Variants in GRIN2A observed in about 807,000 individuals in gnomAD.
The protein encoded by GRIN2A is glutamate receptor ionotropic, NMDA 2A.
GRIN2A carries 22 observed loss-of-function variants against 113.4 expected under a neutral mutation model. The ratio of observed to expected loss-of-function variants is 0.19; its 90% CI spans 0.14 to 0.28. The LOEUF (loss-of-function observed/expected upper bound fraction) is 0.28, where lower values mean the gene tolerates loss of function less well. GRIN2A is among the 10% of genes least tolerant of loss of function. The pLI, the probability that GRIN2A is intolerant of heterozygous loss-of-function variation, is 1.00. For synonymous variants in GRIN2A, 827 were observed against 738.4 expected (o/e 1.12, Z -1.94); for missense variants, 1,502 against 1,887.0 (o/e 0.80, Z 3.78).
chr16:9,947,948 AC>A lies in GRIN2A; in HGVS notation c.415-9398del, dbSNP rs372879967. On this transcript the variant is annotated intron_variant, in intron 2 of 12. Coordinates refer to ENST00000330684, the MANE Select transcript of GRIN2A (RefSeq NM_001134407.3). ...GAAAGAATCAACCACAATGACAGCA[AC>A]AAAACCCAAAACACTACAACCCACA... 1.8e-3 allele frequency among the ~76,000 whole-genome samples: 273 copies of A among 152,326 alleles called. 3 individuals are homozygous for A. Among genetic ancestry groups the A allele is most frequent in the African/African-American group, 6.2e-3 (257 of 41,588 alleles).
At chr16:9,999,933 T>C (rs2046292369) in intron 2 of GRIN2A, among the ~76,000 whole-genome samples, 1 of 152,096 alleles carries the variant, frequency 6.6e-6, no homozygotes, top group Non-Finnish European at 1.5e-5. Flanking sequence ...AAAATCAAAG[T>C]ATGGACAAAG....
chr16:9,822,399 G>A lies in GRIN2A; in HGVS notation c.2033C>T (p.Pro678Leu), dbSNP rs1275934660. 6.2e-7 allele frequency: 1 copy of A among 1,611,982 alleles called. No individual in the cohort carries two copies. The highest frequency in any genetic ancestry group is 8.5e-7 in the Non-Finnish European group (1 of 1,178,282). ...KKFQRPHDYS[P>L]PFRFGTVPNG... ...AGGCACTGTCCCAAATCGAAAAGGT[G>A]GGGAATAGTCATGAGGTCTCTGAAA... is the stretch of plus-strand genomic sequence containing the variant. Residue 678 changes from proline (P) to leucine (L), a missense_variant, in exon 10 of 13, where the codon CCA (proline) becomes CTA (leucine). Physicochemically the swap from Pro to Leu is moderately conservative, Grantham distance 98. This residue lies in a region of GRIN2A where 101 missense variants were observed against 240.4 expected (regional missense o/e 0.42). Coordinates refer to ENST00000330684, the MANE Select transcript of GRIN2A (RefSeq NM_001134407.3).
intron 3 of GRIN2A, among the ~76,000 whole-genome samples, chr16:9,919,314 G>C (rs2044315014): frequency 1.3e-5 from 2 of 152,178 alleles, no homozygotes; most frequent in South Asian, 4.2e-4. Context: ...TCATCAGCCT[G>C]GTTTATTTCA....
chr16:9,872,864 T>C (rs1344839120), intron 4 of GRIN2A, among the ~76,000 whole-genome samples: 1 of 144,808 alleles, frequency 6.9e-6, no homozygotes, highest in Non-Finnish European at 1.5e-5. Context: ...ACCCTATCTC[T>C]ACAAAAACAA....
At chr16:10,097,374 C>T (rs566975878) in intron 2 of GRIN2A, among the ~76,000 whole-genome samples, 5 of 152,264 alleles carry the variant, frequency 3.3e-5, no homozygotes, top group Admixed American at 6.5e-5. Context: ...AATGAGGACC[C>T]GGGCTTCTTC....
chr16:9,956,274 C>T (rs181338193), intron 2 of GRIN2A, among the ~76,000 whole-genome samples: 193 of 152,222 alleles, frequency 1.3e-3, no homozygotes, highest in African/African-American at 4.4e-3. Flanking sequence ...AAATTTTAAA[C>T]CTCTACCTAT....
chr16:10,123,555 T>G (rs2048872259), intron 2 of GRIN2A, among the ~76,000 whole-genome samples: 1 of 152,174 alleles, frequency 6.6e-6, no homozygotes, highest in African/African-American at 2.4e-5. Context: ...TTACTTTATA[T>G]TCATAGAATT....
intron 3 of GRIN2A, among the ~76,000 whole-genome samples, chr16:9,898,038 A>G (rs142706480): frequency 6.9e-6 from 1 of 144,440 alleles, no homozygotes; most frequent in African/African-American, 2.5e-5. Flanking sequence ...TTTAAAATCT[A>G]CTGAGCCTCC....
chr16:9,866,380 G>C (rs1326688011), intron 4 of GRIN2A, among the ~76,000 whole-genome samples: 1 of 152,148 alleles, frequency 6.6e-6, no homozygotes, highest in Non-Finnish European at 1.5e-5. Context: ...AAGCTTAGAA[G>C]CTGAGTTTTA....
At chr16:10,098,800 T>A (rs56940816) in intron 2 of GRIN2A, among the ~76,000 whole-genome samples, 1 of 151,794 alleles carries the variant, frequency 6.6e-6, no homozygotes, top group Non-Finnish European at 1.5e-5. Flanking sequence ...ACGCTGGAAA[T>A]TCAGGGGAAA....
At chr16:10,099,635 A>G (rs1208455699) in intron 2 of GRIN2A, among the ~76,000 whole-genome samples, 1 of 152,218 alleles carries the variant, frequency 6.6e-6, no homozygotes, top group Non-Finnish European at 1.5e-5. Context: ...TAGTCTTGCC[A>G]TCTCTAAGGG....
intron 2 of GRIN2A, among the ~76,000 whole-genome samples, chr16:10,013,833 C>G (rs1174832932): frequency 6.6e-6 from 1 of 152,114 alleles, no homozygotes; most frequent in Non-Finnish European, 1.5e-5. Flanking sequence ...TGACCCACAC[C>G]TCTCTCTCTG....
At chr16:9,933,751 T>A (rs28552596) in intron 3 of GRIN2A, among the ~76,000 whole-genome samples, 2 of 152,126 alleles carry the variant, frequency 1.3e-5, no homozygotes, top group African/African-American at 4.8e-5. Flanking sequence ...AAAACCTAAA[T>A]GTCCATCAAA....
intron 2 of GRIN2A, among the ~76,000 whole-genome samples, chr16:10,130,482 G>A (rs2049038789): frequency 6.6e-6 from 1 of 152,212 alleles, no homozygotes; most frequent in African/African-American, 2.4e-5. Flanking sequence ...GATGGGTCAG[G>A]CTGCTGAGTA....
At chr16:10,162,133 TG>T (rs2049819908) in intron 2 of GRIN2A, among the ~76,000 whole-genome samples, 1 of 152,172 alleles carries the variant, frequency 6.6e-6, no homozygotes, top group African/African-American at 2.4e-5. Flanking sequence ...TAAAAATTCC[TG>T]AGAAGCATTG....
chr16:10,154,415 T>C (rs35696239), intron 2 of GRIN2A, among the ~76,000 whole-genome samples: 14,878 of 152,258 alleles, frequency 0.098, 727 homozygotes, highest in Middle Eastern at 0.12. Flanking sequence ...TTTACCCTGC[T>C]TTGCCTGTGG....
chr16:9,871,740 G>A (rs920955687), intron 4 of GRIN2A, among the ~76,000 whole-genome samples: 2 of 152,130 alleles, frequency 1.3e-5, no homozygotes, highest in Admixed American at 1.3e-4. Context: ...AAAGTGGTTG[G>A]CTCAGGACCT....
Position 9,822,353 on chromosome 16 carries a change from G to A in GRIN2A, c.2079C>T (p.Asn693=). 1 of 1,611,924 alleles carries A rather than the reference G, an allele frequency of 6.2e-7. No individual in the cohort carries two copies. Among genetic ancestry groups the A allele is most frequent in the Non-Finnish European group, 8.5e-7 (1 of 1,178,050 alleles). The part of the protein sequence containing the change: ...GTVPNGSTER[N]IRNNYPYMHQ... ...GCATGTAGGGATAGTTATTCCGAAT[G>A]TTTCTCTCCGTGCTTCCATTAGGCA... Residue 693 remains asparagine, a synonymous_variant, in exon 10 of 13, where the codon AAC becomes AAT. Coordinates refer to ENST00000330684, the MANE Select transcript of GRIN2A (RefSeq NM_001134407.3).
chr16:9,997,900 G>T (rs2046255080), intron 2 of GRIN2A, among the ~76,000 whole-genome samples: 1 of 152,098 alleles, frequency 6.6e-6, no homozygotes, highest in Non-Finnish European at 1.5e-5. Flanking sequence ...TGATTGTGAG[G>T]CCTCCCCAGC....
Sources: gnomAD v4.1 joint callset for allele counts (sites outside exome capture counted in the v4.1 genomes callset) on GRCh38, gnomAD v4.1.1 for gene constraint, gnomAD v4.1.1 regional missense constraint, MANE v1.5 for transcripts, NCBI Gene and HGNC (gene_info 2026-07-23, HGNC 2026-07-21) for gene names.